Variants in JPH3 observed in about 807,000 individuals in gnomAD.
JPH3 encodes junctophilin 3.
A neutral mutation model predicts 59.6 loss-of-function variants in JPH3; 11 were observed. The observed-to-expected ratio is 0.18, with a 90% CI of 0.12 to 0.31. The LOEUF is 0.31. JPH3 is among the 10% of genes least tolerant of loss of function. The pLI is 1.00. For missense variants in JPH3, 1,202 were observed against 1,105.7 expected, an observed-to-expected ratio of 1.09 and a Z score of -1.24; for synonymous variants, 673 against 483.6, an observed-to-expected ratio of 1.39 and a Z score of -5.14.
intron 1 of JPH3, 77 bp downstream of exon 1, chr16:87,603,605 G>A: frequency 2.0e-6 from 3 of 1,476,672 alleles, no homozygotes; most frequent in Non-Finnish European, 2.7e-6. Context: ...GATCTCTGGG[G>A]AAGTTGAGCT....
intron 2 of JPH3, among the ~76,000 whole-genome samples, chr16:87,662,982 G>A (rs563195544): frequency 1.1e-4 from 16 of 152,202 alleles, no homozygotes; most frequent in African/African-American, 3.9e-4. Flanking sequence ...AATCTCAGCC[G>A]TCACATGCTG....
At chr16:87,643,570 C>A (rs1470536041) in intron 1 of JPH3, among the ~76,000 whole-genome samples, 1 of 152,218 alleles carries the variant, frequency 6.6e-6, no homozygotes, top group East Asian at 1.9e-4. Flanking sequence ...GTAGCCCACA[C>A]CTGTGTCCCT....
chr16:87,695,628 T>C (rs765065326), intron 4 of JPH3: 6 of 456,020 alleles, frequency 1.3e-5, no homozygotes, highest in South Asian at 9.3e-5. Context: ...GGGGCCACCG[T>C]CCAGGAGGCG....
intron 1 of JPH3, among the ~76,000 whole-genome samples, chr16:87,642,121 C>T (rs903663668): frequency 6.6e-6 from 1 of 151,032 alleles, no homozygotes; most frequent in African/African-American, 2.4e-5. Flanking sequence ...GTGAAGGTGG[C>T]GGGGTGTGGG....
At position 87,644,719 on chromosome 16, in the gene JPH3, G is replaced by GCCA. The variant is rs1479739871; in HGVS notation, c.853_855dup (p.Thr285dup). 1.2e-6 allele frequency: 2 copies of GCCA among 1,609,432 alleles called. No homozygotes were observed. The highest frequency in any genetic ancestry group is 1.1e-5 in the South Asian group (1 of 90,836). ...GGCGGTCATCGAGGACGACATCGAC[G>GCCA]CCACCACCACCGAGACCTACGTGGG... On this transcript the variant is annotated inframe_insertion, in exon 2 of 5. Coordinates refer to ENST00000284262, the MANE Select transcript of JPH3 (RefSeq NM_020655.4).
intron 2 of JPH3, among the ~76,000 whole-genome samples, chr16:87,662,084 C>T (rs2032722621): frequency 6.6e-6 from 1 of 152,328 alleles, no homozygotes; most frequent in Non-Finnish European, 1.5e-5. Context: ...TGTAACCCCT[C>T]ACCTTTTATT....
intron 1 of JPH3, among the ~76,000 whole-genome samples, chr16:87,634,820 G>A (rs74721593): frequency 0.024 from 3,645 of 152,334 alleles, 102 homozygotes; most frequent in African/African-American, 0.066. Context: ...GGCACAGCAT[G>A]GGACTGGCTG....
chr16:87,679,067 T>C (rs570446696), intron 2 of JPH3, among the ~76,000 whole-genome samples: 109 of 152,326 alleles, frequency 7.2e-4, no homozygotes, highest in African/African-American at 2.4e-3. Context: ...CCTCCCCATC[T>C]TGCAGCCCCA....
chr16:87,640,825 CG>C (rs1334752150), intron 1 of JPH3, among the ~76,000 whole-genome samples: 5 of 152,212 alleles, frequency 3.3e-5, no homozygotes, highest in Non-Finnish European at 7.4e-5. Flanking sequence ...AGCCCTGGCA[CG>C]GAAGGGGCAG....
chr16:87,670,869 G>A (rs1050105346), intron 2 of JPH3, among the ~76,000 whole-genome samples: 3 of 129,974 alleles, frequency 2.3e-5, no homozygotes, highest in African/African-American at 8.4e-5. Context: ...GAATGGGGAC[G>A]GGAGGGGGGT....
intron 1 of JPH3, among the ~76,000 whole-genome samples, chr16:87,618,325 G>A (rs2031048807): frequency 6.6e-6 from 1 of 152,164 alleles, no homozygotes; most frequent in South Asian, 2.1e-4. Context: ...AGGGAGGGAG[G>A]CCGGGCAGCA....
intron 2 of JPH3, 191 bp from the exon 3 acceptor site, chr16:87,683,951 G>T (rs891265197): frequency 3.4e-6 from 2 of 591,592 alleles, no homozygotes; most frequent in African/African-American, 1.9e-5. Context: ...CTGGTTGGTT[G>T]ATGCTCAGTG....
chr16:87,659,743 AG>A (rs2032641039), intron 2 of JPH3, among the ~76,000 whole-genome samples: 1 of 152,058 alleles, frequency 6.6e-6, no homozygotes, highest in South Asian at 2.1e-4. Flanking sequence ...AAAAAAAAAA[AG>A]GATGATTTTT....
chr16:87,651,169 C>T (rs560751629), intron 2 of JPH3, among the ~76,000 whole-genome samples: 3 of 152,328 alleles, frequency 2.0e-5, no homozygotes, highest in African/African-American at 2.4e-5. Context: ...GATGGCTGCA[C>T]GGCTTACAGC....
intron 2 of JPH3, among the ~76,000 whole-genome samples, chr16:87,661,684 A>C (rs62053794): frequency 2.0e-5 from 3 of 152,200 alleles, no homozygotes; most frequent in Non-Finnish European, 2.9e-5. Flanking sequence ...AGCCCTGTCC[A>C]AGAGCAAAGA....
intron 4 of JPH3, 92 bp downstream of exon 4, chr16:87,690,618 T>C: frequency 7.7e-7 from 1 of 1,302,890 alleles, no homozygotes; most frequent in Non-Finnish European, 1.0e-6. Context: ...GCAAGGTCAC[T>C]GCTCCCCTGT....
At chr16:87,674,835 G>T (rs543894563) in intron 2 of JPH3, among the ~76,000 whole-genome samples, 5 of 151,932 alleles carry the variant, frequency 3.3e-5, no homozygotes, top group South Asian at 2.1e-4. Flanking sequence ...ATCTTGTCTC[G>T]CTGCAACCTC....
Position 87,644,825 on chromosome 16 carries a change from G to T in JPH3, c.950G>T (p.Ser317Ile). 6.2e-7 allele frequency: 1 copy of T among 1,613,456 alleles called. No individual in the cohort carries two copies. The highest frequency in any genetic ancestry group is 8.5e-7 in the Non-Finnish European group (1 of 1,179,912). Residue 317 changes from serine (S) to isoleucine (I), a missense_variant, in exon 2 of 5, where the codon AGC (serine) becomes ATC (isoleucine). Transcript: ENST00000284262. ...CTCAAGTACGAGGGCGAGTGGGCCAGCAACCGGCGCCATGGCTACGGCTGC... is the reference window on the plus strand; with the variant it reads ...CTCAAGTACGAGGGCGAGTGGGCCATCAACCGGCGCCATGGCTACGGCTGC... The part of the protein sequence containing the change: ...DGLKYEGEWA[S>I]NRRHGYGCMT...
intron 1 of JPH3, among the ~76,000 whole-genome samples, chr16:87,627,084 C>A (rs936036778): frequency 6.6e-6 from 1 of 152,276 alleles, no homozygotes; most frequent in African/African-American, 2.4e-5. Context: ...CTGCCCCAGC[C>A]CCGCTGAATC....
Sources: allele counts gnomAD v4.1 joint callset (sites outside exome capture counted in the v4.1 genomes callset), GRCh38; gene constraint gnomAD v4.1.1; transcripts MANE v1.5; gene names NCBI Gene and HGNC (gene_info 2026-07-23, HGNC 2026-07-21).